The following TRAF7 variants were observed in gnomAD, a reference collection of about 807,000 sequenced individuals.
TRAF7 encodes the protein E3 ubiquitin-protein ligase TRAF7.
A neutral mutation model predicts 89.3 loss-of-function variants in TRAF7; 45 were observed. That is an observed-to-expected ratio of 0.50 (90% CI 0.40 to 0.65). The LOEUF (loss-of-function observed/expected upper bound fraction) is 0.65, where lower values mean the gene tolerates loss of function less well. Among genes scored for constraint, TRAF7 ranks in the 30% least tolerant of loss-of-function variants. The probability of loss-of-function intolerance (pLI) is 0.00; values close to 1 mark genes in which losing one functional copy is unlikely to be tolerated. For synonymous variants in TRAF7, 406 were observed against 369.2 expected (o/e 1.10, Z -1.14); for missense variants, 677 against 918.1 (o/e 0.74, Z 3.39).
chr16:2,171,701 G>T, intron 7 of TRAF7, 96 bp downstream of exon 7: 4 of 1,572,826 alleles, frequency 2.5e-6, no homozygotes, highest in East Asian at 2.3e-5. Context: ...CACAGCGTCC[G>T]GCCCTGTTTG....
At chr16:2,166,049 C>G in intron 3 of TRAF7, 113 bp downstream of exon 3, 1 of 1,378,820 alleles carries the variant, frequency 7.3e-7, no homozygotes, top group Non-Finnish European at 1.0e-6. Flanking sequence ...GGTGCCAGTG[C>G]TGGGCGCGGG....
intron 1 of TRAF7, among the ~76,000 whole-genome samples, chr16:2,157,033 G>C (rs995961480): frequency 3.9e-5 from 6 of 152,260 alleles, no homozygotes; most frequent in African/African-American, 1.4e-4. Flanking sequence ...GGGGCTGCTG[G>C]CTTGCTCAGG....
At chr16:2,170,529 G>C (rs926387786) in intron 4 of TRAF7, 85 bp from the exon 5 acceptor site, 2 of 1,017,294 alleles carry the variant, frequency 2.0e-6, no homozygotes. Context: ...TGCTGCCCTC[G>C]CGCTTCCGCC....
At chr16:2,169,428 A>G (rs1415837389) in intron 4 of TRAF7, among the ~76,000 whole-genome samples, 3 of 151,900 alleles carry the variant, frequency 2.0e-5, no homozygotes, top group South Asian at 2.1e-4. Context: ...CGAGTCCTCC[A>G]TGTCTGTGGT....
intron 2 of TRAF7, among the ~76,000 whole-genome samples, chr16:2,165,024 C>T (rs1420210852): frequency 5.1e-5 from 6 of 118,696 alleles, no homozygotes; most frequent in Non-Finnish European, 8.2e-5. Context: ...CATGGTTAAG[C>T]GTGTGAGTGC....
chr16:2,156,921 C>G (rs1405652301), intron 1 of TRAF7, among the ~76,000 whole-genome samples: 1 of 152,020 alleles, frequency 6.6e-6, no homozygotes, highest in African/African-American at 2.4e-5. Context: ...GTCCTGCTGT[C>G]AAGATACGGT....
At position 2,158,506 on chromosome 16, in the gene TRAF7, AGAGGGCCAGGACT is replaced by A. The variant is rs1476003393; in HGVS notation, c.-39+2656_-39+2668del. Among the ~76,000 whole-genome samples the A allele has an allele frequency of 2.6e-5, 4 of 152,186 alleles. No homozygotes were observed. Among genetic ancestry groups the A allele is most frequent in the African/African-American group, 4.8e-5 (2 of 41,450 alleles). On this transcript the variant is annotated intron_variant, in intron 1 of 20. Coordinates refer to ENST00000326181, the MANE Select transcript of TRAF7 (RefSeq NM_032271.3). This position sits in a 1 kb window ranked among gnomAD's most constrained non-coding sequence, Gnocchi z 4.7. Reference sequence around the variant, plus strand: ...GGTGGGAAGTAGGGGGCAGCGACGCAGAGGGCCAGGACTGAGGGCCGTGGGACGGTGTGGGAAA... The same window carrying A: ...GGTGGGAAGTAGGGGGCAGCGACGCAGAGGGCCGTGGGACGGTGTGGGAAA...
chr16:2,165,102 T>G (rs1297771742), intron 2 of TRAF7, among the ~76,000 whole-genome samples: 54 of 125,804 alleles, frequency 4.3e-4, no homozygotes, highest in Admixed American at 8.4e-4. Flanking sequence ...GTCGCATGGT[T>G]AAGCGTGTGA....
rs745441816 is a variant in TRAF7, at chr16:2,176,170, G to A, written c.1868G>A (p.Arg623Gln). 5 of 1,606,078 alleles carry A rather than the reference G, an allele frequency of 3.1e-6. No individual in the cohort carries two copies. The highest frequency in any genetic ancestry group is 1.1e-5 in the South Asian group (1 of 90,896). ...QTKVFSASYD[R>Q]SLRVWSMDNM... is the part of the protein sequence containing the mutation. ...AAAGTCTTCAGTGCATCCTACGACCGGTCCCTCAGGGTGCGTGCTGGCCCA... is the reference window on the plus strand; with the variant it reads ...AAAGTCTTCAGTGCATCCTACGACCAGTCCCTCAGGGTGCGTGCTGGCCCA... Residue 623 changes from arginine to glutamine, a missense_variant, in exon 19 of 21, where the codon CGG (arginine) becomes CAG (glutamine). Physicochemically the swap from Arg to Gln is conservative, Grantham distance 43. Transcript: ENST00000326181.
At chr16:2,157,191 C>G (rs1169893255) in intron 1 of TRAF7, among the ~76,000 whole-genome samples, 1 of 152,190 alleles carries the variant, frequency 6.6e-6, no homozygotes, top group Admixed American at 6.5e-5. Context: ...TCCTAGACCC[C>G]TTCCCTGTGC....
intron 1 of TRAF7, among the ~76,000 whole-genome samples, chr16:2,160,111 C>T (rs2093051531): frequency 6.6e-6 from 1 of 152,114 alleles, no homozygotes; most frequent in Non-Finnish European, 1.5e-5. Context: ...CTTCCACTTC[C>T]TTATTGCACA....
Position 2,163,593 on chromosome 16 carries a change from G to GT in TRAF7, c.-38-289dup, listed in dbSNP as rs1596669508. The GT allele has an allele frequency of 1.6e-5, 6 of 385,762 alleles. No homozygotes were observed. The East Asian group carries it at 3.6e-4, about 23-fold the overall frequency. 23.9% of individuals were successfully genotyped at this position (385,762 alleles called of 1,614,324 possible). A position where few individuals can be genotyped will look rare whatever the true frequency, so the allele number is the denominator to read the frequency against. ...GAGGAGTAGAGGGAGCCAGGCAGGG[G>GT]TCCCTCCACCTCGGGGAAGAGCTGG... On this transcript the variant is annotated intron_variant, in intron 1 of 20. Transcript: ENST00000326181. This position sits in a 1 kb window ranked among gnomAD's most constrained non-coding sequence, Gnocchi z 4.3.
chr16:2,175,973 G>A lies in TRAF7; in HGVS notation c.1746+20G>A, dbSNP rs1469189941. On this transcript the variant is annotated intron_variant, in intron 18 of 20. Transcript: ENST00000326181. Reference sequence around the variant, plus strand: ...ATCCACGTAAGGCCTGGGCATCTGGGTGCAAGGCCAGACTGTGGCCCCGTC... The same window carrying A: ...ATCCACGTAAGGCCTGGGCATCTGGATGCAAGGCCAGACTGTGGCCCCGTC... 2 of 1,612,898 alleles carry A rather than the reference G, an allele frequency of 1.2e-6. No homozygotes were observed. Among genetic ancestry groups the A allele is most frequent in the South Asian group, 2.2e-5 (2 of 91,068 alleles).
Position 2,163,913 on chromosome 16 carries a change from T to G in TRAF7, c.-8T>G, listed in dbSNP as rs1340627276. ...GCTTCCCAAGGACCGTAGATGCCTC[T>G]CTAGAGCATGAGCTCAGGCAAGAGT... On this transcript the variant is annotated 5_prime_UTR_variant, in exon 2 of 21. Transcript: ENST00000326181. This position sits in a 1 kb window ranked among gnomAD's most constrained non-coding sequence, Gnocchi z 4.3. 3.5e-5 allele frequency: 56 copies of G among 1,611,746 alleles called. No homozygotes were observed. The highest frequency in any genetic ancestry group is 4.7e-5 in the Non-Finnish European group (55 of 1,179,364).
At chr16:2,174,777 G>T (rs1202920612) in intron 14 of TRAF7, among the ~76,000 whole-genome samples, 1 of 152,228 alleles carries the variant, frequency 6.6e-6, no homozygotes, top group African/African-American at 2.4e-5. Flanking sequence ...GAGCGAGCAA[G>T]TAAGCGTGTG....
Position 2,175,303 on chromosome 16 carries a change from G to A in TRAF7, c.1389G>A (p.Val463=). ...YSGSADCTII[V]WDIQNLQKVN... is the part of the protein sequence containing the mutation. ...GCTGCCGGTCCTTCCCCAATCAGGT[G>A]TGGGACATCCAGAACCTGCAGAAGG... is the stretch of plus-strand genomic sequence containing the variant. Residue 463 remains valine, a splice_region_variant and synonymous_variant, in exon 16 of 21, where the codon GTG becomes GTA. Transcript: ENST00000326181. The A allele has an allele frequency of 6.2e-7, 1 of 1,613,406 alleles. No individual in the cohort carries two copies. The highest frequency in any genetic ancestry group is 8.5e-7 in the Non-Finnish European group (1 of 1,179,942).
chr16:2,160,472 G>A (rs999165388), intron 1 of TRAF7, among the ~76,000 whole-genome samples: 24 of 147,764 alleles, frequency 1.6e-4, no homozygotes, highest in Admixed American at 5.4e-4. Flanking sequence ...GTGGATGGGC[G>A]GGCGGTGTGG....
chr16:2,170,401 GGCCCAGGCC>G (rs1213233495), intron 4 of TRAF7, among the ~76,000 whole-genome samples: 5 of 152,226 alleles, frequency 3.3e-5, no homozygotes, highest in East Asian at 3.8e-4. Context: ...CCAGCACCCC[GGCCCAGGCC>G]GCCCAGGCGG....
chr16:2,166,081 G>T lies in TRAF7; in HGVS notation c.139+145G>T, dbSNP rs2093085604. 10 of 953,790 alleles carry T rather than the reference G, an allele frequency of 1.0e-5. No individual in the cohort carries two copies. In the South Asian group the frequency reaches 1.6e-4, roughly 15 times the overall value. 59.1% of individuals were successfully genotyped at this position (953,790 alleles called of 1,614,324 possible). A position where few individuals can be genotyped will look rare whatever the true frequency, so the allele number is the denominator to read the frequency against. On this transcript the variant is annotated intron_variant, in intron 3 of 20. Coordinates refer to ENST00000326181, the MANE Select transcript of TRAF7 (RefSeq NM_032271.3). ...CGGGCAGCCTCACACCGCAGCCTGTGTCCTCACAGCCTCTCAGCCCTGGGC... is the reference window on the plus strand; with the variant it reads ...CGGGCAGCCTCACACCGCAGCCTGTTTCCTCACAGCCTCTCAGCCCTGGGC...
Sources: gnomAD v4.1 joint callset for allele counts (sites outside exome capture counted in the v4.1 genomes callset) on GRCh38, gnomAD v4.1.1 for gene constraint, Gnocchi (gnomAD v3.1) non-coding constraint, MANE v1.5 for transcripts, NCBI Gene and HGNC (gene_info 2026-07-23, HGNC 2026-07-21) for gene names.